Variants in GOT2 observed in about 807,000 individuals in gnomAD.
The protein encoded by GOT2 is glutamic-oxaloacetic transaminase 2, also known as aspartate aminotransferase, mitochondrial.
In GOT2, 17 loss-of-function variants were observed where a neutral mutation model predicts 50.0. The ratio of observed to expected loss-of-function variants is 0.34; its 90% CI spans 0.23 to 0.51. The LOEUF (loss-of-function observed/expected upper bound fraction) is 0.51. GOT2 is among the 20% of genes least tolerant of loss of function. GOT2 has a pLI of 0.97. For missense variants in GOT2, 430 were observed against 559.6 expected, an observed-to-expected ratio of 0.77 and a Z score of 2.34; for synonymous variants, 172 against 204.9, an observed-to-expected ratio of 0.84 and a Z score of 1.37.
chr16:58,719,740 G>A (rs946209655), intron 3 of GOT2, among the ~76,000 whole-genome samples: 6 of 152,130 alleles, frequency 3.9e-5, no homozygotes, highest in African/African-American at 1.4e-4. Flanking sequence ...GGGCAAAAGA[G>A]TGAGACTCTG....
intron 2 of GOT2, 129 bp downstream of exon 2, chr16:58,723,617 A>G: frequency 1.3e-6 from 1 of 751,634 alleles, no homozygotes; most frequent in East Asian, 2.5e-5. Flanking sequence ...AACCCGGGTG[A>G]TTCATGCCAT....
chr16:58,728,226 G>T (rs910824815), intron 1 of GOT2, among the ~76,000 whole-genome samples: 2 of 152,208 alleles, frequency 1.3e-5, no homozygotes, highest in Admixed American at 1.3e-4. Context: ...TTAATAGTTT[G>T]CCTTGGGTAA....
chr16:58,714,136 G>C (rs1213973094), intron 8 of GOT2, among the ~76,000 whole-genome samples: 1 of 151,784 alleles, frequency 6.6e-6, no homozygotes, highest in Non-Finnish European at 1.5e-5. Context: ...CAACTCCTGG[G>C]TTCAAGGGAT....
intron 9 of GOT2, 39 bp from the exon 10 acceptor site, chr16:58,708,332 C>T: frequency 6.2e-7 from 1 of 1,604,842 alleles, no homozygotes; most frequent in South Asian, 1.1e-5. Context: ...CTTCCCGGTA[C>T]AGGGGATTCT....
At chr16:58,725,711 G>T (rs927372625) in intron 1 of GOT2, among the ~76,000 whole-genome samples, 1 of 152,148 alleles carries the variant, frequency 6.6e-6, no homozygotes, top group African/African-American at 2.4e-5. Context: ...CACGAGTTTT[G>T]CCAGTCTGTT....
chr16:58,718,343 G>C (rs749803433), intron 5 of GOT2, 43 bp from the exon 6 acceptor site: 2 of 1,512,510 alleles, frequency 1.3e-6, no homozygotes, highest in Non-Finnish European at 1.8e-6. Context: ...CAGCTTTAAA[G>C]GAAATGGTTT....
chr16:58,730,466 C>G (rs1489801227), intron 1 of GOT2, among the ~76,000 whole-genome samples: 2 of 151,936 alleles, frequency 1.3e-5, no homozygotes, highest in Non-Finnish European at 2.9e-5. Context: ...CTCACTGCAG[C>G]CTCTACCTCC....
rs2044617230 is a variant in GOT2 at position 58,708,051 on chromosome 16, C to T, written c.*120G>A. 2 of 955,544 alleles carry T rather than the reference C, an allele frequency of 2.1e-6. No individual in the cohort carries two copies. The highest frequency in any genetic ancestry group is 2.3e-5 in the Admixed American group (1 of 43,574). The allele number at this position is 955,544 out of a possible 1,614,324, so 59.2% of individuals were successfully genotyped here. A position where few individuals can be genotyped will look rare whatever the true frequency, so the allele number is the denominator to read the frequency against. Reference sequence around the variant, plus strand: ...ACATTCAAATGCTGAGTGTTACACACTGTGGCTGAAAGAAATGATCCACTC... The same window carrying T: ...ACATTCAAATGCTGAGTGTTACACATTGTGGCTGAAAGAAATGATCCACTC... On this transcript the variant is annotated 3_prime_UTR_variant, in exon 10 of 10. Coordinates refer to ENST00000245206, the MANE Select transcript of GOT2 (RefSeq NM_002080.4).
At chr16:58,721,930 G>A in intron 3 of GOT2, 1 of 364,402 alleles carries the variant, frequency 2.7e-6, no homozygotes, top group Admixed American at 4.0e-5. Flanking sequence ...ACAGGCATGT[G>A]TCACCATGCC....
chr16:58,716,024 G>C lies in GOT2; in HGVS notation c.1009C>G (p.Arg337Gly), dbSNP rs1247507359. 10 of 1,608,950 alleles carry C rather than the reference G, an allele frequency of 6.2e-6. No homozygotes were observed. The highest frequency in any genetic ancestry group is 8.5e-6 in the Non-Finnish European group (10 of 1,178,538). ...GGCATAAACCTTTACCATTGTTTTC[G>C]CAAATCTGGGGTGTTCAGAATGGCA... ...AAAILNTPDL[R>G]KQWLQEVKVM... The change falls in exon 8 of 10, where the codon CGA becomes GGA. Residue 337 changes from arginine (R) to glycine (G), a missense_variant. Physicochemically the swap from Arg to Gly is moderately radical, Grantham distance 125. Transcript: ENST00000245206.
intron 8 of GOT2, among the ~76,000 whole-genome samples, chr16:58,712,703 A>C (rs960116751): frequency 1.3e-5 from 2 of 152,248 alleles, no homozygotes; most frequent in Non-Finnish European, 2.9e-5. Context: ...GAGAATATGA[A>C]AATATTTTTA....
chr16:58,732,610 A>T (rs865941900), intron 1 of GOT2, among the ~76,000 whole-genome samples: 38 of 152,344 alleles, frequency 2.5e-4, no homozygotes, highest in African/African-American at 8.4e-4. Context: ...AATATAAAGT[A>T]GGTAAAGTCT....
chr16:58,714,163 C>A (rs976292591), intron 8 of GOT2, among the ~76,000 whole-genome samples: 5 of 152,036 alleles, frequency 3.3e-5, no homozygotes, highest in Non-Finnish European at 7.4e-5. Flanking sequence ...GCCTTGGCCT[C>A]CCAAAATGCA....
At chr16:58,727,361 TA>T (rs1238027810) in intron 1 of GOT2, among the ~76,000 whole-genome samples, 1 of 128,028 alleles carries the variant, frequency 7.8e-6, no homozygotes, top group African/African-American at 2.6e-5. Context: ...ACCTACAATA[TA>T]AAAGGTTTTT....
rs1048452227 is a variant in GOT2 at position 58,724,654 on chromosome 16, C to T, written c.90-752G>A. On this transcript the variant is annotated intron_variant, in intron 1 of 9. Transcript: ENST00000245206. ...CTCCCATGTTCAAGCGATTGTCCCA[C>T]CTCAGCCTCTGGAGTAGCTGGGATT... 5.3e-5 allele frequency among the ~76,000 whole-genome samples: 8 copies of T among 152,298 alleles called. No individual in the cohort carries two copies. In the South Asian group the frequency reaches 6.2e-4, roughly 12 times the overall value.
intron 6 of GOT2, among the ~76,000 whole-genome samples, chr16:58,717,660 C>T (rs991360719): frequency 5.9e-5 from 9 of 152,224 alleles, no homozygotes; most frequent in East Asian, 5.8e-4. Context: ...ATCAGAGTTC[C>T]CTACATCCAG....
chr16:58,707,463 A>G lies in GOT2; in HGVS notation c.*708T>C, dbSNP rs6993. On this transcript the variant is annotated 3_prime_UTR_variant, in exon 10 of 10. Transcript: ENST00000245206. ...TCTTTGCTGAAAAGGGTGAGGGTAC[A>G]GCATCAGCAGAAAATTATGTTCTTC... The G allele has an allele frequency of 0.59, 89,027 of 152,020 alleles. 26,791 individuals carry two copies. Among genetic ancestry groups the G allele is most frequent in the Middle Eastern group, 0.82 (240 of 294 alleles). 9.4% of individuals were successfully genotyped at this position (152,020 alleles called of 1,614,324 possible). A position where few individuals can be genotyped will look rare whatever the true frequency, so the allele number is the denominator to read the frequency against.
At chr16:58,730,156 G>A (rs547669331) in intron 1 of GOT2, among the ~76,000 whole-genome samples, 2 of 152,220 alleles carry the variant, frequency 1.3e-5, no homozygotes, top group South Asian at 2.1e-4. Context: ...TGAAACTCTG[G>A]GGGAAAGCAG....
At chr16:58,718,799 A>C (rs767627866) in intron 4 of GOT2, 111 bp from the exon 5 acceptor site, 2 of 861,276 alleles carry the variant, frequency 2.3e-6, no homozygotes, top group Non-Finnish European at 3.5e-6. Context: ...GTTTCTCTCT[A>C]TGGTTGAGAA....
Sources: gnomAD v4.1 joint callset for allele counts (sites outside exome capture counted in the v4.1 genomes callset) on GRCh38, gnomAD v4.1.1 for gene constraint, MANE v1.5 for transcripts, NCBI Gene and HGNC (gene_info 2026-07-23, HGNC 2026-07-21) for gene names.